GBE1: variants seen among roughly 807,000 people sequenced by gnomAD.
GBE1 encodes 1,4-alpha-glucan branching enzyme 1.
Under a neutral mutation model 88.8 loss-of-function variants are expected in GBE1, and 70 were observed. The observed-to-expected ratio is 0.79, with a 90% confidence interval of 0.65 to 0.96. The LOEUF (loss-of-function observed/expected upper bound fraction) is 0.96. Among genes scored for constraint, GBE1 ranks in the 40% least tolerant of loss-of-function variants. The pLI is 0.00. For missense variants in GBE1, 872 were observed against 871.0 expected, an observed-to-expected ratio of 1.00 and a Z score of -0.01; for synonymous variants, 284 against 300.1, an observed-to-expected ratio of 0.95 and a Z score of 0.56.
chr3:81,507,558 C>T (rs552710059), intron 14 of GBE1, among the ~76,000 whole-genome samples: 223 of 149,714 alleles, frequency 1.5e-3, no homozygotes, highest in African/African-American at 5.3e-3. Context: ...AGCAAGACTC[C>T]GTCTCAAAAA....
intron 2 of GBE1, among the ~76,000 whole-genome samples, chr3:81,700,163 AT>A (rs1705666137): frequency 1.3e-5 from 2 of 152,338 alleles, no homozygotes; most frequent in East Asian, 3.9e-4. Flanking sequence ...GTTGTAAGCC[AT>A]CAAAATGTTG....
At chr3:81,616,988 G>A (rs1352303407) in intron 7 of GBE1, among the ~76,000 whole-genome samples, 1 of 151,888 alleles carries the variant, frequency 6.6e-6, no homozygotes, top group African/African-American at 2.4e-5. Flanking sequence ...GAGAAGGAGG[G>A]AGAGAATAAG....
intron 7 of GBE1, among the ~76,000 whole-genome samples, chr3:81,625,048 A>C (rs1704392087): frequency 7.1e-6 from 1 of 140,236 alleles, no homozygotes; most frequent in Non-Finnish European, 1.5e-5. Context: ...CATAGACTCA[A>C]ATCCTTCCCT....
intron 9 of GBE1, 82 bp downstream of exon 9, chr3:81,590,955 G>T: frequency 1.7e-6 from 2 of 1,208,980 alleles, no homozygotes; most frequent in South Asian, 3.7e-5. Flanking sequence ...GACAACATGA[G>T]ATTGATTAAT....
intron 7 of GBE1, among the ~76,000 whole-genome samples, chr3:81,605,903 C>T (rs1704096065): frequency 6.6e-6 from 1 of 152,096 alleles, no homozygotes; most frequent in African/African-American, 2.4e-5. Context: ...CAGACCCCTG[C>T]AATTAAAATT....
At chr3:81,665,557 T>G (rs1226358427) in intron 3 of GBE1, among the ~76,000 whole-genome samples, 2 of 149,370 alleles carry the variant, frequency 1.3e-5, no homozygotes, top group Non-Finnish European at 3.0e-5. Context: ...AAAAAAGACA[T>G]GAGACTTGTT....
chr3:81,649,870 C>T lies in GBE1; in HGVS notation c.481G>A (p.Ala161Thr). ...TCACCTTCACGAACCACATACTTTGCCCACGGTGAAATACGATACAAGATC... is the reference window on the plus strand; with the variant it reads ...TCACCTTCACGAACCACATACTTTGTCCACGGTGAAATACGATACAAGATC... ...GEILYRISPW[A>T]KYVVREGDNV... Residue 161 changes from alanine (A) to threonine (T), a missense_variant, in exon 4 of 16, where the codon GCA becomes ACA. Coordinates refer to ENST00000429644, the MANE Select transcript of GBE1 (RefSeq NM_000158.4). The T allele has an allele frequency of 6.2e-7, 1 of 1,610,362 alleles. No individual in the cohort carries two copies. Among genetic ancestry groups the T allele is most frequent in the Non-Finnish European group, 8.5e-7 (1 of 1,177,134 alleles).
intron 3 of GBE1, among the ~76,000 whole-genome samples, chr3:81,661,225 A>T (rs966813506): frequency 1.4e-4 from 22 of 152,168 alleles, no homozygotes; most frequent in African/African-American, 5.3e-4. Context: ...GGAAGAAAGA[A>T]AAAAAGATGA....
chr3:81,645,613 T>C (rs1398166727), intron 6 of GBE1, among the ~76,000 whole-genome samples: 1 of 152,160 alleles, frequency 6.6e-6, no homozygotes, highest in African/African-American at 2.4e-5. Context: ...AACAGGTAAA[T>C]GAACCAGTAT....
intron 7 of GBE1, among the ~76,000 whole-genome samples, chr3:81,598,154 G>C (rs193214038): frequency 4.8e-4 from 73 of 151,852 alleles, no homozygotes; most frequent in Non-Finnish European, 7.7e-4. Flanking sequence ...TTGCAACTTA[G>C]TTCACTGGAT....
At chr3:81,750,537 ACGTATATATATATG>A (rs1369798855) in intron 1 of GBE1, among the ~76,000 whole-genome samples, 1 of 70,674 alleles carries the variant, frequency 1.4e-5, no homozygotes, top group African/African-American at 1.0e-4. Flanking sequence ...ATATATATAT[ACGTATATATATATG>A]TATATATATA....
At chr3:81,710,535 C>T (rs565773133) in intron 1 of GBE1, among the ~76,000 whole-genome samples, 1 of 152,090 alleles carries the variant, frequency 6.6e-6, no homozygotes, top group East Asian at 1.9e-4. Flanking sequence ...CAAATCCTAA[C>T]TCTGTTACAC....
At chr3:81,700,719 CA>C (rs570601175) in intron 2 of GBE1, among the ~76,000 whole-genome samples, 1 of 151,868 alleles carries the variant, frequency 6.6e-6, no homozygotes, top group East Asian at 1.9e-4. Flanking sequence ...AAAACTGGCC[CA>C]AAAAAACAGT....
chr3:81,546,278 C>T (rs62265415), intron 12 of GBE1, among the ~76,000 whole-genome samples: 22,800 of 151,740 alleles, frequency 0.15, 1,837 homozygotes, highest in Non-Finnish European at 0.2. Context: ...ACTTTAAATA[C>T]ACACACCTGT....
rs369563977 is a variant in GBE1 at position 81,490,492 on chromosome 3, T to C, written c.2053-29A>G. The C allele has an allele frequency of 7.0e-5, 111 of 1,574,934 alleles. No homozygotes were observed. In the African/African-American group the frequency reaches 7.8e-4, roughly 11 times the overall value. On this transcript the variant is annotated intron_variant, in intron 15 of 15. Coordinates refer to ENST00000429644, the MANE Select transcript of GBE1 (RefSeq NM_000158.4). ...CGTCAAAACAATTATGTCAGTGCAA[T>C]TGAAGAAAGTACCAAACGGCCTGTC...
Position 81,490,464 on chromosome 3 carries a change from CT to C in GBE1, c.2053-2del. 1.9e-6 allele frequency: 3 copies of C among 1,611,904 alleles called. No individual in the cohort carries two copies. The South Asian group carries it at 3.3e-5, about 18-fold the overall frequency. On this transcript the variant is annotated splice_acceptor_variant, in intron 15 of 15. Coordinates refer to ENST00000429644, the MANE Select transcript of GBE1 (RefSeq NM_000158.4). LOFTEE classifies it high-confidence loss of function. Reference sequence around the variant, plus strand: ...GGGCCACTCTGCTTGGAATGTACACCTACGTCAAAACAATTATGTCAGTGCA... The same window carrying C: ...GGGCCACTCTGCTTGGAATGTACACCACGTCAAAACAATTATGTCAGTGCA...
At chr3:81,742,730 G>A (rs1381178778) in intron 1 of GBE1, among the ~76,000 whole-genome samples, 1 of 152,084 alleles carries the variant, frequency 6.6e-6, no homozygotes, top group Non-Finnish European at 1.5e-5. Context: ...ATGTTAAACA[G>A]AATTGCCCGA....
intron 11 of GBE1, among the ~76,000 whole-genome samples, chr3:81,578,436 T>C (rs908044718): frequency 6.6e-6 from 1 of 151,708 alleles, no homozygotes; most frequent in East Asian, 1.9e-4. Context: ...GAATATTAAA[T>C]AGATTTTTAA....
chr3:81,612,840 G>T, intron 7 of GBE1: 1 of 429,010 alleles, frequency 2.3e-6, no homozygotes, highest in East Asian at 5.6e-5. Flanking sequence ...TGCAGGTGTG[G>T]ATGAGTTAGG....
Sources: allele counts gnomAD v4.1 joint callset (sites outside exome capture counted in the v4.1 genomes callset), GRCh38; gene constraint gnomAD v4.1.1; transcripts MANE v1.5; gene names NCBI Gene and HGNC (gene_info 2026-07-23, HGNC 2026-07-21).